The following GRK4 variants were observed in gnomAD, a reference collection of about 807,000 sequenced individuals.
GRK4 encodes the protein G protein-coupled receptor kinase 2-like.
GRK4 carries 73 observed loss-of-function variants against 77.9 expected under a neutral mutation model. That is an observed-to-expected ratio of 0.94 (90% confidence interval 0.78 to 1.14). The LOEUF is 1.14. GRK4 is among the 50% of genes most tolerant of loss of function. The probability of loss-of-function intolerance (pLI) is 0.00; values close to 1 mark genes in which losing one functional copy is unlikely to be tolerated. For missense variants in GRK4, 729 were observed against 700.2 expected (o/e 1.04, Z -0.46); for synonymous variants, 257 against 254.4 (o/e 1.01, Z -0.10).
intron 4 of GRK4, among the ~76,000 whole-genome samples, chr4:3,000,894 T>G (rs1242342960): frequency 1.3e-5 from 2 of 151,668 alleles, no homozygotes; most frequent in East Asian, 3.9e-4. Flanking sequence ...AATAGGAAAA[T>G]GAATGGACCG....
chr4:2,976,398 A>ATT (rs35070610), intron 1 of GRK4, among the ~76,000 whole-genome samples: 17 of 149,500 alleles, frequency 1.1e-4, no homozygotes, highest in East Asian at 5.9e-4. Context: ...TGCCTGAGTA[A>ATT]TTTTTTTTTT....
intron 12 of GRK4, among the ~76,000 whole-genome samples, chr4:3,031,989 CG>C (rs1739309615): frequency 6.6e-6 from 1 of 152,102 alleles, no homozygotes; most frequent in Admixed American, 6.6e-5. Flanking sequence ...GCTACAGGCT[CG>C]TCCTGGAGCC....
chr4:2,994,862 C>T lies in GRK4; in HGVS notation c.339+2570C>T, dbSNP rs543418360. On this transcript the variant is annotated intron_variant, in intron 4 of 15. Coordinates refer to ENST00000398052, the MANE Select transcript of GRK4 (RefSeq NM_182982.3). ...AACTTGCATCATGGGGTTTGTTGTA[C>T]AGATTATTTCATCACCCAGGTATTA... 1.4e-3 allele frequency among the ~76,000 whole-genome samples: 214 copies of T among 152,228 alleles called. 1 individual carries two copies. Among genetic ancestry groups the T allele is most frequent in the Middle Eastern group, 3.4e-3 (1 of 294 alleles).
At chr4:3,003,718 G>C (rs1223500259) in intron 4 of GRK4, among the ~76,000 whole-genome samples, 2 of 152,024 alleles carry the variant, frequency 1.3e-5, no homozygotes, top group African/African-American at 2.4e-5. Flanking sequence ...TTTCCATTCT[G>C]TGTGTGTGTT....
intron 6 of GRK4, among the ~76,000 whole-genome samples, chr4:3,008,955 C>T (rs75686358): frequency 0.075 from 11,466 of 152,094 alleles, 571 homozygotes; most frequent in Middle Eastern, 0.18. Context: ...GATGGCACAA[C>T]GTATATACGT....
intron 4 of GRK4, among the ~76,000 whole-genome samples, chr4:2,996,466 A>C (rs1169196318): frequency 6.6e-6 from 1 of 152,068 alleles, no homozygotes; most frequent in Non-Finnish European, 1.5e-5. Context: ...GAGGCAGGAG[A>C]ATCGCTTGAA....
rs775540841 is a variant in GRK4 at position 3,013,731 on chromosome 4, G to T, written c.644G>T (p.Cys215Phe). The change falls in exon 8 of 16, where the codon TGC becomes TTC. Residue 215 changes from cysteine (C) to phenylalanine (F), a missense_variant. Coordinates refer to ENST00000398052, the MANE Select transcript of GRK4 (RefSeq NM_182982.3). ...CGAGCCACAGGAAAAATGTATGCCT[G>T]CAAAAAGCTACAAAAAAAAAGAATA... The part of the protein sequence containing the change: ...QVRATGKMYA[C>F]KKLQKKRIKK... The T allele has an allele frequency of 2.2e-5, 35 of 1,613,116 alleles. No homozygotes were observed. The South Asian group carries it at 3.9e-4, about 18-fold the overall frequency.
intron 8 of GRK4, among the ~76,000 whole-genome samples, chr4:3,015,957 G>T (rs1207697319): frequency 2.0e-5 from 3 of 150,582 alleles, no homozygotes; most frequent in African/African-American, 7.3e-5. Flanking sequence ...CTCCCGGGCT[G>T]GAGTGCAGTG....
chr4:2,979,465 C>A (rs1225180434), intron 1 of GRK4, among the ~76,000 whole-genome samples: 3 of 150,788 alleles, frequency 2.0e-5, no homozygotes. Flanking sequence ...GTAATCCCAG[C>A]ACTTTGGGGA....
intron 12 of GRK4, among the ~76,000 whole-genome samples, chr4:3,033,289 A>G (rs1467532030): frequency 1.3e-5 from 2 of 152,208 alleles, no homozygotes; most frequent in Non-Finnish European, 2.9e-5. Flanking sequence ...CTCACAGGGC[A>G]GAGGACAAAC....
chr4:3,040,531 C>T (rs16843773), intron 15 of GRK4, 41 bp from the exon 16 acceptor site: 43,231 of 1,565,910 alleles, frequency 0.028, 821 homozygotes, highest in African/African-American at 0.077. Flanking sequence ...GTGAAACCTT[C>T]GCATCAGCCG....
intron 1 of GRK4, among the ~76,000 whole-genome samples, chr4:2,974,410 CCAGCCAGA>C (rs1216015112): frequency 1.3e-5 from 2 of 152,218 alleles, no homozygotes; most frequent in African/African-American, 4.8e-5. Context: ...GGCTTTGGAG[CCAGCCAGA>C]CCTGGGCTTT....
chr4:2,990,938 T>C (rs1002553626), intron 3 of GRK4, among the ~76,000 whole-genome samples: 3 of 152,228 alleles, frequency 2.0e-5, no homozygotes, highest in African/African-American at 4.8e-5. Context: ...CTCTGTGAGC[T>C]TCTCAAGTGA....
At chr4:2,988,872 C>T (rs1281694139) in intron 3 of GRK4, 33 bp downstream of exon 3, 1 of 1,290,782 alleles carries the variant, frequency 7.7e-7, no homozygotes, top group Non-Finnish European at 1.1e-6. Context: ...GAGCAACCAC[C>T]CAATCTTATG....
intron 10 of GRK4, among the ~76,000 whole-genome samples, chr4:3,023,514 C>A (rs1263821252): frequency 6.6e-6 from 1 of 152,190 alleles, no homozygotes; most frequent in Non-Finnish European, 1.5e-5. Flanking sequence ...ATGCCTCTGC[C>A]AGATGCTTTC....
At chr4:3,035,585 C>T (rs1740391227) in intron 13 of GRK4, 62 bp downstream of exon 13, 1 of 1,521,340 alleles carries the variant, frequency 6.6e-7, no homozygotes, top group Admixed American at 2.2e-5. Context: ...CACGGTTTTT[C>T]TCTTTCTTTT....
At chr4:3,020,266 A>G (rs758643250) in intron 9 of GRK4, among the ~76,000 whole-genome samples, 8 of 152,178 alleles carry the variant, frequency 5.3e-5, no homozygotes, top group Non-Finnish European at 1.2e-4. Context: ...TCAGCCTCCA[A>G]AAGTGCTGGG....
At chr4:3,025,539 G>C (rs892298389) in intron 10 of GRK4, among the ~76,000 whole-genome samples, 1 of 151,126 alleles carries the variant, frequency 6.6e-6, no homozygotes, top group Non-Finnish European at 1.5e-5. Context: ...ACAGGCGCCC[G>C]CCACCACGCC....
intron 2 of GRK4, chr4:2,985,725 G>T (rs1724102447): frequency 3.1e-6 from 1 of 324,538 alleles, no homozygotes; most frequent in Non-Finnish European, 6.0e-6. Context: ...AAGGCCGGGT[G>T]TGGTGGCTCA....
Sources: gnomAD v4.1 joint callset for allele counts (sites outside exome capture counted in the v4.1 genomes callset) on GRCh38, gnomAD v4.1.1 for gene constraint, MANE v1.5 for transcripts, NCBI Gene and HGNC (gene_info 2026-07-23, HGNC 2026-07-21) for gene names.